Variants in LSM14A observed in about 807,000 individuals in gnomAD.
LSM14A encodes the protein LSM14A mRNA processing body assembly factor.
LSM14A carries 14 observed loss-of-function variants against 52.4 expected under a neutral mutation model. That is an observed-to-expected ratio of 0.27 (90% CI 0.18 to 0.42). LSM14A has a LOEUF of 0.42. LSM14A is among the 10% of genes least tolerant of loss of function. The pLI, the probability that LSM14A is intolerant of heterozygous loss-of-function variation, is 1.00. For missense variants in LSM14A, 417 were observed against 581.8 expected (o/e 0.72, Z 2.91); for synonymous variants, 185 against 200.3 (o/e 0.92, Z 0.64).
chr19:34,213,381 A>G (rs1170765831), intron 4 of LSM14A, among the ~76,000 whole-genome samples: 3 of 152,192 alleles, frequency 2.0e-5, no homozygotes, highest in African/African-American at 7.2e-5. Context: ...TAATGGCTGA[A>G]ATGGTATTGC....
intron 4 of LSM14A, among the ~76,000 whole-genome samples, chr19:34,212,231 T>C (rs1464965192): frequency 6.6e-6 from 1 of 151,074 alleles, no homozygotes; most frequent in Non-Finnish European, 1.5e-5. Context: ...AGGCTGAAGC[T>C]AGAGGATTGC....
intron 3 of LSM14A, among the ~76,000 whole-genome samples, chr19:34,208,034 G>A (rs540551974): frequency 3.9e-5 from 6 of 152,188 alleles, no homozygotes; most frequent in Admixed American, 1.3e-4. Flanking sequence ...AACTTCTGCT[G>A]TGGGCTAGAC....
At position 34,224,991 on chromosome 19, in the gene LSM14A, C is replaced by T. The variant is rs140598301; in HGVS notation, c.1369-2374C>T. Among the ~76,000 whole-genome samples the T allele has an allele frequency of 2.0e-5, 3 of 152,298 alleles. No homozygotes were observed. The East Asian group carries it at 5.8e-4, about 29-fold the overall frequency. The stretch of plus-strand genomic sequence containing the variant: ...TACACTGATTTCCTCCTCTTCTGAC[C>T]TGTGGCTATCTGCTTTCTTTGGCAC... On this transcript the variant is annotated intron_variant, in intron 9 of 9. Coordinates refer to ENST00000544216, the MANE Select transcript of LSM14A (RefSeq NM_015578.4).
intron 6 of LSM14A, among the ~76,000 whole-genome samples, chr19:34,217,993 CTT>C (rs56321625): frequency 0.35 from 38,431 of 108,384 alleles, 6,522 homozygotes; most frequent in African/African-American, 0.44. Context: ...TACCCAAAAC[CTT>C]TTTTTTTTTT....
intron 1 of LSM14A, among the ~76,000 whole-genome samples, chr19:34,181,216 T>A (rs2069457825): frequency 6.6e-6 from 1 of 152,212 alleles, no homozygotes; most frequent in African/African-American, 2.4e-5. Flanking sequence ...TCCTCAGTTT[T>A]TCCTTCCCTA....
At position 34,192,316 on chromosome 19, in the gene LSM14A, G is replaced by GTTT. The variant is rs1306000214; in HGVS notation, c.122-2160_122-2159insTTT. Among the ~76,000 whole-genome samples, 251 of 65,664 alleles carry GTTT rather than the reference G, an allele frequency of 3.8e-3. 15 individuals carry two copies. Among genetic ancestry groups the GTTT allele is most frequent in the Non-Finnish European group, 5.6e-3 (192 of 34,460 alleles). The allele number at this position is 65,664 out of a possible 152,430, so 43.1% of individuals were successfully genotyped here. ...TTTACACTGAAATAACATTCTTTTT[G>GTTT]TTGTTTTTTTTTTTTTTTTTTTTTT... is the stretch of plus-strand genomic sequence containing the variant. On this transcript the variant is annotated intron_variant, in intron 1 of 9. Coordinates refer to ENST00000544216, the MANE Select transcript of LSM14A (RefSeq NM_015578.4).
chr19:34,205,284 C>T (rs528618084), intron 3 of LSM14A, among the ~76,000 whole-genome samples: 37 of 151,680 alleles, frequency 2.4e-4, no homozygotes, highest in African/African-American at 8.2e-4. Flanking sequence ...GTCAGGAGTT[C>T]GAGACCAGCC....
rs1289180056 is a variant in LSM14A at position 34,208,987 on chromosome 19, A to AAGTAGT, written c.475_480dup (p.Ser159_Ser160dup). The AAGTAGT allele has an allele frequency of 1.2e-6, 2 of 1,612,174 alleles. No homozygotes were observed. Among genetic ancestry groups the AAGTAGT allele is most frequent in the East Asian group, 4.5e-5 (2 of 44,860 alleles). ...CATCAAACAGTGGTACCTTACCCCA[A>AAGTAGT]AGTAGTGCGGTTGGTTCTGCCTTTA... On this transcript the variant is annotated inframe_insertion, in exon 4 of 10. Transcript: ENST00000544216.
At chr19:34,198,546 G>A (rs867657379) in intron 3 of LSM14A, among the ~76,000 whole-genome samples, 6 of 152,172 alleles carry the variant, frequency 3.9e-5, no homozygotes, top group African/African-American at 7.2e-5. Flanking sequence ...AACCTGTGAG[G>A]CAGAGGTTGC....
intron 1 of LSM14A, among the ~76,000 whole-genome samples, chr19:34,181,589 A>G (rs567144518): frequency 1.3e-5 from 2 of 152,020 alleles, no homozygotes; most frequent in African/African-American, 4.8e-5. Context: ...ATCGTATGCC[A>G]TTTTTTTCCT....
intron 1 of LSM14A, among the ~76,000 whole-genome samples, chr19:34,178,729 TC>T (rs1427994331): frequency 6.6e-6 from 1 of 152,242 alleles, no homozygotes; most frequent in Non-Finnish European, 1.5e-5. Context: ...ATAATGCTTT[TC>T]CATGTTCACA....
Position 34,206,635 on chromosome 19 carries a change from A to G in LSM14A, c.416-2294A>G, listed in dbSNP as rs189073899. 8.9e-4 allele frequency among the ~76,000 whole-genome samples: 135 copies of G among 152,304 alleles called. 1 individual carries two copies. Among genetic ancestry groups the G allele is most frequent in the Admixed American group, 1.8e-3 (28 of 15,298 alleles). On this transcript the variant is annotated intron_variant, in intron 3 of 9. Transcript: ENST00000544216. Reference sequence around the variant, plus strand: ...GGTTACAGTTAGCTGAGATCGCGCCACTGCACTCCAGCCTGACGACAGAGC... The same window carrying G: ...GGTTACAGTTAGCTGAGATCGCGCCGCTGCACTCCAGCCTGACGACAGAGC...
At chr19:34,192,319 G>GTGTTTTTTTTTTTTTTTT (rs1763881068) in intron 1 of LSM14A, among the ~76,000 whole-genome samples, 1 of 53,410 alleles carries the variant, frequency 1.9e-5, no homozygotes, top group Non-Finnish European at 3.3e-5. Flanking sequence ...TCTTTTTGTT[G>GTGTTTTTTTTTTTTTTTT]TTTTTTTTTT....
chr19:34,201,055 G>A (rs1272733416), intron 3 of LSM14A, among the ~76,000 whole-genome samples: 1 of 152,090 alleles, frequency 6.6e-6, no homozygotes, highest in East Asian at 1.9e-4. Context: ...AGTATTTTGT[G>A]GTTGTGAAAT....
chr19:34,192,632 CAA>C (rs548374017), intron 1 of LSM14A, among the ~76,000 whole-genome samples: 9 of 76,936 alleles, frequency 1.2e-4, no homozygotes, highest in South Asian at 6.2e-4. Context: ...ATCAGTTCTG[CAA>C]AAAAAAAAAA....
chr19:34,196,821 A>T, intron 3 of LSM14A, 58 bp downstream of exon 3: 1 of 1,435,710 alleles, frequency 7.0e-7, no homozygotes, highest in Non-Finnish European at 9.5e-7. Context: ...CTTTACCACA[A>T]AGGTATAGAA....
chr19:34,213,843 C>T (rs958673541), intron 4 of LSM14A, among the ~76,000 whole-genome samples: 4 of 152,174 alleles, frequency 2.6e-5, no homozygotes, highest in African/African-American at 7.2e-5. Context: ...TGCAGTGGAC[C>T]GATCTCGGCT....
At chr19:34,207,694 G>A (rs1007485180) in intron 3 of LSM14A, among the ~76,000 whole-genome samples, 1 of 152,062 alleles carries the variant, frequency 6.6e-6, no homozygotes, top group Admixed American at 6.6e-5. Context: ...ACCACGCCCA[G>A]CTAATTTTTG....
chr19:34,214,661 T>G (rs2072442406), intron 4 of LSM14A, among the ~76,000 whole-genome samples: 3 of 152,204 alleles, frequency 2.0e-5, no homozygotes, highest in South Asian at 4.1e-4. Flanking sequence ...TAGATAGATG[T>G]AAAGGTATTG....
Sources: allele counts gnomAD v4.1 joint callset (sites outside exome capture counted in the v4.1 genomes callset), GRCh38; gene constraint gnomAD v4.1.1; transcripts MANE v1.5; gene names NCBI Gene and HGNC (gene_info 2026-07-23, HGNC 2026-07-21).